The following DEUP1 variants were observed in gnomAD, a reference collection of about 807,000 sequenced individuals.
DEUP1 encodes the protein deuterosome assembly protein 1.
A neutral mutation model predicts 87.4 loss-of-function variants in DEUP1; 82 were observed. That is an observed-to-expected ratio of 0.94 (90% confidence interval 0.78 to 1.13). The LOEUF (loss-of-function observed/expected upper bound fraction) is 1.13. DEUP1 is among the 50% of genes most tolerant of loss of function. DEUP1 has a pLI of 0.00. For missense variants in DEUP1, 663 were observed against 681.5 expected (o/e 0.97, Z 0.30); for synonymous variants, 214 against 222.7 (o/e 0.96, Z 0.35).
At chr11:93,380,387 G>GGTTTTGTTTTGTTTTGTTTT (rs370792628) in intron 7 of DEUP1, among the ~76,000 whole-genome samples, 1 of 150,894 alleles carries the variant, frequency 6.6e-6, no homozygotes, top group African/African-American at 2.5e-5. Flanking sequence ...TGTTTTTTTG[G>GGTTTTGTTTTGTTTTGTTTT]GTTTTGTTTT....
In DEUP1 at chr11:93,365,639, A is replaced by G. The variant is rs72972312; in HGVS notation, c.432+1345A>G. On this transcript the variant is annotated intron_variant, in intron 5 of 13. Coordinates refer to ENST00000298050, the MANE Select transcript of DEUP1 (RefSeq NM_181645.4). ...CTTTGTGTATGCACATTTTACATTT[A>G]GGAAACTAAATATTTACGTTATATA... 4.8e-3 allele frequency among the ~76,000 whole-genome samples: 738 copies of G among 152,342 alleles called. 3 individuals carry two copies. The highest frequency in any genetic ancestry group is 5.9e-3 in the Non-Finnish European group (400 of 68,022).
At chr11:93,416,798 A>T (rs1010753630) in intron 13 of DEUP1, among the ~76,000 whole-genome samples, 2 of 151,504 alleles carry the variant, frequency 1.3e-5, no homozygotes, top group East Asian at 3.9e-4. Context: ...CTGGCAAACC[A>T]AATCCAGCAG....
chr11:93,356,237 T>C (rs1317908943), intron 3 of DEUP1, among the ~76,000 whole-genome samples: 1 of 151,904 alleles, frequency 6.6e-6, no homozygotes, highest in Non-Finnish European at 1.5e-5. Flanking sequence ...GTTAACTTGT[T>C]CATCAACCAT....
chr11:93,431,534 A>G (rs1043810170), intron 13 of DEUP1, among the ~76,000 whole-genome samples: 1 of 152,216 alleles, frequency 6.6e-6, no homozygotes, highest in East Asian at 1.9e-4. Context: ...TTAGGAAAAT[A>G]CTGGTCTGTT....
chr11:93,419,842 C>A (rs1404445534), intron 13 of DEUP1, among the ~76,000 whole-genome samples: 1 of 149,062 alleles, frequency 6.7e-6, no homozygotes, highest in Non-Finnish European at 1.5e-5. Flanking sequence ...AAACAAAACA[C>A]CTTCAAAAAA....
intron 7 of DEUP1, among the ~76,000 whole-genome samples, chr11:93,384,961 C>T (rs971984555): frequency 5.3e-5 from 8 of 152,172 alleles, no homozygotes; most frequent in Non-Finnish European, 7.4e-5. Flanking sequence ...CAGTGGCTCA[C>T]GCCTGTAATC....
Position 93,356,940 on chromosome 11 carries a change from T to A in DEUP1, c.202-8T>A. On this transcript the variant is annotated splice_polypyrimidine_tract_variant and splice_region_variant and intron_variant, in intron 3 of 13. Transcript: ENST00000298050. ...AAAAAGCAAAATTAAATTTTATTCT[T>A]CATGCAGGTAGGGTTACTTCGACAG... The A allele has an allele frequency of 6.4e-7, 1 of 1,566,542 alleles. No homozygotes were observed. The highest frequency in any genetic ancestry group is 8.7e-7 in the Non-Finnish European group (1 of 1,153,118).
intron 8 of DEUP1, among the ~76,000 whole-genome samples, chr11:93,386,386 T>C (rs1456523803): frequency 6.6e-6 from 1 of 152,122 alleles, no homozygotes; most frequent in Non-Finnish European, 1.5e-5. Flanking sequence ...AATGTTTGTG[T>C]GTGTGAATAG....
chr11:93,335,941 C>T (rs914640487), intron 2 of DEUP1, among the ~76,000 whole-genome samples: 1 of 152,004 alleles, frequency 6.6e-6, no homozygotes, highest in Non-Finnish European at 1.5e-5. Flanking sequence ...ATGGAGAAAC[C>T]CCGTCTCTAC....
intron 13 of DEUP1, among the ~76,000 whole-genome samples, chr11:93,427,580 C>A (rs1197849400): frequency 2.0e-5 from 3 of 151,218 alleles, no homozygotes; most frequent in African/African-American, 4.8e-5. Context: ...GACTTCATGT[C>A]TAAAACACCA....
At position 93,377,915 on chromosome 11, in the gene DEUP1, A is replaced by C. The variant is rs536241099; in HGVS notation, c.789+6635A>C. Among the ~76,000 whole-genome samples the C allele has an allele frequency of 9.9e-5, 15 of 152,230 alleles. No individual in the cohort carries two copies. The South Asian group carries it at 3.1e-3, about 32-fold the overall frequency. The stretch of plus-strand genomic sequence containing the variant: ...TAGCTGATAATTGTTTCATTTAAGG[A>C]GCCTAAAGATAGGATCCCAATCCCT... On this transcript the variant is annotated intron_variant, in intron 7 of 13. Coordinates refer to ENST00000298050, the MANE Select transcript of DEUP1 (RefSeq NM_181645.4).
intron 2 of DEUP1, chr11:93,352,342 T>G: frequency 1.4e-6 from 1 of 702,486 alleles, no homozygotes; most frequent in Non-Finnish European, 2.6e-6. Flanking sequence ...GCTTATCCAG[T>G]CTGAGTGACT....
chr11:93,413,159 C>G (rs1031164658), intron 12 of DEUP1, among the ~76,000 whole-genome samples: 5 of 151,616 alleles, frequency 3.3e-5, no homozygotes, highest in Admixed American at 3.3e-4. Flanking sequence ...AAGGGCTAAT[C>G]AATACCTGTG....
Position 93,371,076 on chromosome 11 carries a change from A to C in DEUP1, c.585A>C (p.Lys195Asn), listed in dbSNP as rs1226311036. ...GTTACCAAACTCAACTAAATGGTAA[A>C]AAACAGTGCTTAGAAGACAGCAGCT... is the stretch of plus-strand genomic sequence containing the variant. ...AQSYQTQLNGKKQCLEDSSSE... is the reference protein window; with the variant it reads ...AQSYQTQLNGNKQCLEDSSSE... The change falls in exon 7 of 14, where the codon AAA (lysine) becomes AAC (asparagine). Residue 195 changes from lysine to asparagine, a missense_variant. Physicochemically the swap from Lys to Asn is moderately conservative, Grantham distance 94 (BLOSUM62 0). Transcript: ENST00000298050. The C allele has an allele frequency of 2.5e-6, 4 of 1,612,254 alleles. No individual in the cohort carries two copies. The highest frequency in any genetic ancestry group is 1.3e-5 in the African/African-American group (1 of 75,012).
At chr11:93,331,439 G>A (rs1225853326) in intron 1 of DEUP1, among the ~76,000 whole-genome samples, 1 of 151,340 alleles carries the variant, frequency 6.6e-6, no homozygotes, top group Non-Finnish European at 1.5e-5. Flanking sequence ...TGCCCATAGA[G>A]CCATTGAAGA....
At chr11:93,413,402 A>T (rs1947505708) in intron 12 of DEUP1, among the ~76,000 whole-genome samples, 1 of 151,960 alleles carries the variant, frequency 6.6e-6, no homozygotes, top group Admixed American at 6.6e-5. Context: ...CCATCACGCC[A>T]GGCTAATTTT....
At chr11:93,398,052 G>A (rs968340826) in intron 11 of DEUP1, among the ~76,000 whole-genome samples, 8 of 151,920 alleles carry the variant, frequency 5.3e-5, no homozygotes, top group Admixed American at 5.2e-4. Context: ...TCCTCTAGAT[G>A]ATACATGTTA....
intron 2 of DEUP1, among the ~76,000 whole-genome samples, chr11:93,353,707 A>C (rs1433680123): frequency 6.6e-6 from 1 of 152,232 alleles, no homozygotes; most frequent in African/African-American, 2.4e-5. Context: ...GAAAGCTGCC[A>C]ATACTTGGGG....
At chr11:93,368,195 CT>C (rs1358497240) in intron 5 of DEUP1, among the ~76,000 whole-genome samples, 1 of 152,252 alleles carries the variant, frequency 6.6e-6, no homozygotes, top group East Asian at 1.9e-4. Context: ...CCAATTGGTA[CT>C]GCCTAAATGA....
Sources: gnomAD v4.1 joint callset for allele counts (sites outside exome capture counted in the v4.1 genomes callset) on GRCh38, gnomAD v4.1.1 for gene constraint, MANE v1.5 for transcripts, NCBI Gene and HGNC (gene_info 2026-07-23, HGNC 2026-07-21) for gene names.